DNAH7: variants seen among roughly 807,000 people sequenced by gnomAD.
DNAH7 encodes dynein axonemal heavy chain 7, also known as axonemal beta dynein heavy chain 7.
In DNAH7, 397 loss-of-function variants were observed where a neutral mutation model predicts 444.6. The ratio of observed to expected loss-of-function variants is 0.89; its 90% CI spans 0.82 to 0.97. The LOEUF (loss-of-function observed/expected upper bound fraction) is 0.97, where lower values mean the gene tolerates loss of function less well. DNAH7 is among the 50% of genes least tolerant of loss of function. The pLI, the probability that DNAH7 is intolerant of heterozygous loss-of-function variation, is 0.00. For missense variants in DNAH7, 4,902 were observed against 4,800.8 expected, an observed-to-expected ratio of 1.02 and a Z score of -0.62; for synonymous variants, 1,636 against 1,624.4, an observed-to-expected ratio of 1.01 and a Z score of -0.17.
intron 12 of DNAH7, chr2:195,999,329 C>A (rs1693900462): frequency 1.5e-6 from 1 of 661,636 alleles, no homozygotes; most frequent in South Asian, 1.7e-5. Flanking sequence ...AATATTCGCA[C>A]AACCAGTATT....
chr2:195,805,028 C>A (rs1016059975), intron 54 of DNAH7, among the ~76,000 whole-genome samples: 2 of 152,058 alleles, frequency 1.3e-5, no homozygotes, highest in African/African-American at 4.8e-5. Context: ...ACCAAAAAAA[C>A]CCCTCAGCTT....
chr2:195,889,168 C>T (rs547257558), intron 31 of DNAH7, among the ~76,000 whole-genome samples, 187 bp from the exon 32 acceptor site: 2 of 152,034 alleles, frequency 1.3e-5, no homozygotes, highest in Non-Finnish European at 2.9e-5. Flanking sequence ...TAATATGTAT[C>T]ACTAAAGAAG....
intron 36 of DNAH7, 54 bp from the exon 37 acceptor site, chr2:195,876,753 C>T: frequency 8.0e-7 from 1 of 1,250,254 alleles, no homozygotes; most frequent in Non-Finnish European, 1.1e-6. Context: ...TTTGACATTT[C>T]AGAATAAACA....
chr2:195,908,062 T>G (rs957704514), intron 25 of DNAH7, among the ~76,000 whole-genome samples: 1 of 152,044 alleles, frequency 6.6e-6, no homozygotes, highest in African/African-American at 2.4e-5. Context: ...ATAAGCAAAT[T>G]TAATACTATT....
intron 19 of DNAH7, among the ~76,000 whole-genome samples, chr2:195,943,079 C>A (rs1340866606): frequency 6.6e-6 from 1 of 152,136 alleles, no homozygotes; most frequent in Non-Finnish European, 1.5e-5. Flanking sequence ...TGCACATGCT[C>A]TCTTGCTTGC....
intron 64 of DNAH7, among the ~76,000 whole-genome samples, chr2:195,739,966 A>G (rs1266222743): frequency 6.6e-6 from 1 of 152,074 alleles, no homozygotes; most frequent in African/African-American, 2.4e-5. Flanking sequence ...CCCCATGTGT[A>G]ACACAGTGCT....
chr2:195,864,473 A>AC lies in DNAH7; in HGVS notation c.7181dup (p.Val2395CysfsTer10). 1 of 1,614,216 alleles carries AC rather than the reference A, an allele frequency of 6.2e-7. No individual in the cohort carries two copies. Among genetic ancestry groups the AC allele is most frequent in the Non-Finnish European group, 8.5e-7 (1 of 1,180,050 alleles). ...TTTGAGTATCTGTAAACAGGAAGAC[A>AC]CCCTGCATCTCACCTTCCGCACATT... On this transcript the variant is annotated frameshift_variant, in exon 41 of 65. Coordinates refer to ENST00000312428, the MANE Select transcript of DNAH7 (RefSeq NM_018897.3). LOFTEE classifies it high-confidence loss of function.
intron 1 of DNAH7, among the ~76,000 whole-genome samples, chr2:196,064,392 A>G (rs915316643): frequency 6.6e-6 from 1 of 151,628 alleles, no homozygotes; most frequent in Non-Finnish European, 1.5e-5. Context: ...AAAACCTTCA[A>G]TTGTGCTTTT....
intron 57 of DNAH7, among the ~76,000 whole-genome samples, chr2:195,791,215 C>G (rs1274800296): frequency 6.6e-6 from 1 of 151,872 alleles, no homozygotes; most frequent in Non-Finnish European, 1.5e-5. Context: ...CTCCTGTAAT[C>G]CCAGCACTTT....
rs1475975628 is a variant in DNAH7, at chr2:195,923,469, G to A, written c.3825+126C>T. On this transcript the variant is annotated intron_variant, in intron 23 of 64. Coordinates refer to ENST00000312428, the MANE Select transcript of DNAH7 (RefSeq NM_018897.3). ...TCAATATAAAGAAATGCTTACTTGG[G>A]TATAGTCTGCCATCAGCAAAAGATC... 8 of 808,826 alleles carry A rather than the reference G, an allele frequency of 9.9e-6. No homozygotes were observed. In the East Asian group the frequency reaches 2.1e-4, roughly 22 times the overall value. The allele number at this position is 808,826 out of a possible 1,614,324, so 50.1% of individuals were successfully genotyped here. A position where few individuals can be genotyped will look rare whatever the true frequency, so the allele number is the denominator to read the frequency against.
chr2:195,756,145 T>G lies in DNAH7; in HGVS notation c.11574A>C (p.Leu3858=). 6.3e-7 allele frequency: 1 copy of G among 1,597,496 alleles called. No homozygotes were observed. Among genetic ancestry groups the G allele is most frequent in the African/African-American group, 1.3e-5 (1 of 74,496 alleles). Residue 3858 remains leucine (L), a synonymous_variant, in exon 62 of 65, where the codon CTA becomes CTC. Transcript: ENST00000312428. ...GSYVNDFLAR[L]KFLQQWYEVG... ...TAGACGAACTTACCTGCAAGAATTT[T>G]AGTCTTGCAAGGAAGTCATTCACAT...
chr2:195,784,895 T>C (rs1208753695), intron 58 of DNAH7, among the ~76,000 whole-genome samples: 1 of 150,032 alleles, frequency 6.7e-6, no homozygotes, highest in Non-Finnish European at 1.5e-5. Flanking sequence ...CTGAGATGTC[T>C]GTTAATATCT....
intron 45 of DNAH7, among the ~76,000 whole-genome samples, chr2:195,853,782 G>T (rs761954387): frequency 6.6e-6 from 1 of 152,080 alleles, no homozygotes; most frequent in African/African-American, 2.4e-5. Context: ...TTTAGGAAAT[G>T]ACATACAGTA....
At position 195,740,818 on chromosome 2, in the gene DNAH7, A is replaced by G. The variant is rs754299451; in HGVS notation, c.11816T>C (p.Ile3939Thr). 6.4e-7 allele frequency: 1 copy of G among 1,569,972 alleles called. No homozygotes were observed. The highest frequency in any genetic ancestry group is 8.6e-7 in the Non-Finnish European group (1 of 1,156,888). ...GGGATGCGATTCTGCAAGTTTCTTGATCTTTCTATTCCAGGAAGCTCCATC... is the reference window on the plus strand; with the variant it reads ...GGGATGCGATTCTGCAAGTTTCTTGGTCTTTCTATTCCAGGAAGCTCCATC... ...FLDGASWNRK[I>T]KKLAESHPKI... Residue 3939 changes from isoleucine to threonine, a missense_variant, in exon 64 of 65, where the codon ATC becomes ACC. By Grantham distance (89) the Ile-to-Thr change is moderately conservative (BLOSUM62 -1). Transcript: ENST00000312428.
At chr2:195,953,223 G>A (rs1396983327) in intron 19 of DNAH7, among the ~76,000 whole-genome samples, 2 of 152,066 alleles carry the variant, frequency 1.3e-5, no homozygotes, top group Non-Finnish European at 2.9e-5. Flanking sequence ...TGTGCTGGAG[G>A]TCCACTCCAG....
intron 12 of DNAH7, among the ~76,000 whole-genome samples, chr2:195,990,836 T>C (rs910423981): frequency 6.8e-6 from 1 of 146,008 alleles, no homozygotes; most frequent in Admixed American, 7.0e-5. Context: ...TAAATATATA[T>C]ACATATATAT....
chr2:195,752,367 T>G (rs960504870), intron 63 of DNAH7, among the ~76,000 whole-genome samples: 1 of 152,042 alleles, frequency 6.6e-6, no homozygotes, highest in Non-Finnish European at 1.5e-5. Flanking sequence ...GAAGAGTTCC[T>G]GGGTTTCTGT....
At chr2:195,955,209 T>C (rs1690562719) in intron 19 of DNAH7, among the ~76,000 whole-genome samples, 1 of 152,212 alleles carries the variant, frequency 6.6e-6, no homozygotes, top group South Asian at 2.1e-4. Context: ...GTATAAGGTG[T>C]AAGGAAGGGA....
At chr2:195,993,463 T>C (rs1693484205) in intron 12 of DNAH7, among the ~76,000 whole-genome samples, 1 of 152,094 alleles carries the variant, frequency 6.6e-6, no homozygotes. Flanking sequence ...AAGAACTAAG[T>C]AGGCATTTAC....
Sources: gnomAD v4.1 joint callset for allele counts (sites outside exome capture counted in the v4.1 genomes callset) on GRCh38, gnomAD v4.1.1 for gene constraint, MANE v1.5 for transcripts, NCBI Gene and HGNC (gene_info 2026-07-23, HGNC 2026-07-21) for gene names.